Variants in DNAH14 observed in about 807,000 individuals in gnomAD.
The protein encoded by DNAH14 is dynein axonemal heavy chain 14.
Under a neutral mutation model 520.9 loss-of-function variants are expected in DNAH14, and 478 were observed. The observed-to-expected ratio is 0.92, with a 90% confidence interval of 0.85 to 0.99. DNAH14 has a LOEUF of 0.99. DNAH14 is among the 50% of genes least tolerant of loss of function. The pLI is 0.00. For missense variants in DNAH14, 4,831 were observed against 5,234.5 expected (o/e 0.92, Z 2.38); for synonymous variants, 1,581 against 1,757.2 (o/e 0.90, Z 2.51).
intron 17 of DNAH14, among the ~76,000 whole-genome samples, chr1:225,061,956 A>C (rs939625855): frequency 1.3e-5 from 2 of 152,186 alleles, no homozygotes; most frequent in African/African-American, 4.8e-5. Flanking sequence ...ATGGAGAAAC[A>C]AAGACTGGAC....
At chr1:225,294,689 T>A (rs2093967393) in intron 55 of DNAH14, among the ~76,000 whole-genome samples, 1 of 151,990 alleles carries the variant, frequency 6.6e-6, no homozygotes, top group South Asian at 2.1e-4. Flanking sequence ...CCTGGTGTGG[T>A]GGCAGGTGCC....
At chr1:224,971,326 T>C (rs1454673895) in intron 7 of DNAH14, among the ~76,000 whole-genome samples, 1 of 152,196 alleles carries the variant, frequency 6.6e-6, no homozygotes, top group Admixed American at 6.5e-5. Flanking sequence ...GTTTATTTAA[T>C]ATGTAAATAG....
rs1341188769 is a variant in DNAH14 at position 225,007,507 on chromosome 1, A to G, written c.1070A>G (p.Asn357Ser). ...TTGAAACAACTTGAGGACATCAGGA[A>G]TAAAGCAATTTCAGAGATGAAAAGT... Reference protein sequence around the residue: ...QALKQLEDIRNKAISEMKSTF... With the variant: ...QALKQLEDIRSKAISEMKSTF... The change falls in exon 10 of 86, where the codon AAT becomes AGT. Residue 357 changes from asparagine to serine, a missense_variant. Asn to Ser is a conservative substitution (Grantham distance 46). Transcript: ENST00000682510. The G allele has an allele frequency of 7.1e-6, 11 of 1,539,220 alleles. No homozygotes were observed. The highest frequency in any genetic ancestry group is 8.8e-6 in the Non-Finnish European group (10 of 1,140,112).
In DNAH14 at chr1:225,300,763, A is replaced by C. The variant is rs1227397113; in HGVS notation, c.8470-106A>C. 3.4e-6 allele frequency: 4 copies of C among 1,187,854 alleles called. No homozygotes were observed. The Admixed American group carries it at 8.6e-5, about 25-fold the overall frequency. 73.6% of individuals were successfully genotyped at this position (1,187,854 alleles called of 1,614,324 possible). A position where few individuals can be genotyped will look rare whatever the true frequency, so the allele number is the denominator to read the frequency against. On this transcript the variant is annotated intron_variant, in intron 55 of 85. Transcript: ENST00000682510. ...TTAAAAAAAAAAATCACTTAGCCTC[A>C]GTTCTCCTTAATCACTGTTGCTTTC...
At chr1:225,161,818 T>TCAAAAGAATTC (rs1412438310) in intron 35 of DNAH14, among the ~76,000 whole-genome samples, 17 of 152,230 alleles carry the variant, frequency 1.1e-4, no homozygotes, top group African/African-American at 3.4e-4. Flanking sequence ...TTGAGGAATG[T>TCAAAAGAATTC]CTATTCAAAT....
At chr1:224,958,639 G>C (rs1432385799) in intron 3 of DNAH14, among the ~76,000 whole-genome samples, 1 of 152,106 alleles carries the variant, frequency 6.6e-6, no homozygotes, top group Non-Finnish European at 1.5e-5. Context: ...AACAAGCTGA[G>C]AGGATGGAGG....
intron 83 of DNAH14, 82 bp from the exon 84 acceptor site, chr1:225,392,209 C>T (rs1274380436): frequency 2.7e-6 from 4 of 1,469,234 alleles, no homozygotes; most frequent in African/African-American, 2.8e-5. Context: ...CCTTTCTTCT[C>T]CATGAGACAT....
At chr1:224,977,101 A>G (rs1276610017) in intron 8 of DNAH14, among the ~76,000 whole-genome samples, 2 of 151,844 alleles carry the variant, frequency 1.3e-5, no homozygotes, top group Non-Finnish European at 1.5e-5. Flanking sequence ...ATGTCCAACA[A>G]TGATAGACTG....
intron 21 of DNAH14, among the ~76,000 whole-genome samples, chr1:225,095,434 T>C (rs879781811): frequency 3.3e-5 from 5 of 152,034 alleles, no homozygotes; most frequent in Non-Finnish European, 7.4e-5. Context: ...CACTCATAAA[T>C]GGGAGCTAAA....
intron 74 of DNAH14, among the ~76,000 whole-genome samples, chr1:225,359,152 A>C (rs535658295): frequency 2.6e-5 from 4 of 152,320 alleles, no homozygotes; most frequent in South Asian, 4.1e-4. Context: ...TCCTATTTAA[A>C]ATTTTTGGAA....
intron 1 of DNAH14, among the ~76,000 whole-genome samples, chr1:224,946,410 G>A (rs2059832469): frequency 6.6e-6 from 1 of 152,128 alleles, no homozygotes. Flanking sequence ...CTTTGACTAG[G>A]AAAGGGAATT....
intron 10 of DNAH14, among the ~76,000 whole-genome samples, chr1:225,020,897 G>A (rs2065636553): frequency 6.6e-6 from 1 of 152,106 alleles, no homozygotes. Flanking sequence ...AATGAACACA[G>A]ACACACAAAT....
intron 66 of DNAH14, among the ~76,000 whole-genome samples, chr1:225,335,342 TGTGTGTATATGCATATACAC>T (rs1225032724): frequency 1.3e-5 from 1 of 79,286 alleles, no homozygotes; most frequent in Non-Finnish European, 2.5e-5. Flanking sequence ...TGTGTACATG[TGTGTGTATATGCATATACAC>T]GTGTACATGT....
At position 224,959,420 on chromosome 1, in the gene DNAH14, C is replaced by T. The variant is rs1029484870; in HGVS notation, c.218-733C>T. Among the ~76,000 whole-genome samples, 8 of 152,118 alleles carry T rather than the reference C, an allele frequency of 5.3e-5. No individual in the cohort carries two copies. In the East Asian group the frequency reaches 1.5e-3, roughly 29 times the overall value. ...GGACTATTGGTTGAAATAAAACTTA[C>T]TGTTTATTTCATTTGTATCCCTTTG... On this transcript the variant is annotated intron_variant, in intron 3 of 85. Transcript: ENST00000682510.
At chr1:225,287,367 A>T (rs2093771787) in intron 54 of DNAH14, among the ~76,000 whole-genome samples, 1 of 152,186 alleles carries the variant, frequency 6.6e-6, no homozygotes, top group African/African-American at 2.4e-5. Context: ...GGGTAAAGTT[A>T]ACCATTCCAA....
intron 68 of DNAH14, 91 bp downstream of exon 68, chr1:225,338,273 T>C (rs1244491687): frequency 9.8e-6 from 14 of 1,422,042 alleles, no homozygotes; most frequent in Non-Finnish European, 1.3e-5. Context: ...GTCAAGCTTC[T>C]ACATGGAGGA....
At chr1:225,128,343 G>A (rs2077994934) in intron 27 of DNAH14, among the ~76,000 whole-genome samples, 2 of 152,064 alleles carry the variant, frequency 1.3e-5, no homozygotes, top group Non-Finnish European at 2.9e-5. Context: ...TGATACCAAA[G>A]CTGGGCAGAG....
chr1:224,982,705 G>A (rs7514836), intron 8 of DNAH14, among the ~76,000 whole-genome samples: 1 of 152,134 alleles, frequency 6.6e-6, no homozygotes, highest in African/African-American at 2.4e-5. Context: ...TTTTGATCCA[G>A]TGCTCATTCA....
intron 30 of DNAH14, among the ~76,000 whole-genome samples, chr1:225,145,803 A>G (rs1270319086): frequency 6.6e-6 from 1 of 152,248 alleles, no homozygotes; most frequent in African/African-American, 2.4e-5. Flanking sequence ...TTGAGTGTTT[A>G]TATAGATAAT....
Sources: gnomAD v4.1 joint callset for allele counts (sites outside exome capture counted in the v4.1 genomes callset) on GRCh38, gnomAD v4.1.1 for gene constraint, MANE v1.5 for transcripts, NCBI Gene and HGNC (gene_info 2026-07-23, HGNC 2026-07-21) for gene names.